TBX2: variants seen among roughly 807,000 people sequenced by gnomAD.
TBX2 encodes the protein T-box transcription factor 2.
Under a neutral mutation model 48.4 loss-of-function variants are expected in TBX2, and 19 were observed. The observed-to-expected ratio is 0.39, with a 90% CI of 0.27 to 0.58. The LOEUF is 0.58. Among genes scored for constraint, TBX2 ranks in the 20% least tolerant of loss-of-function variants. TBX2 has a pLI of 0.54. For synonymous variants in TBX2, 522 were observed against 459.7 expected (o/e 1.14, Z -1.73); for missense variants, 994 against 1,006.5 (o/e 0.99, Z 0.17).
In TBX2 at chr17:61,400,106, C is replaced by A. The variant is rs1420809813; in HGVS notation, c.-71C>A. On this transcript the variant is annotated 5_prime_UTR_variant, in exon 1 of 7. Coordinates refer to ENST00000240328, the MANE Select transcript of TBX2 (RefSeq NM_005994.4). This position sits in a 1 kb window ranked among gnomAD's most constrained non-coding sequence, Gnocchi z 9.2. ...TCCGTCCACCGCGCGCGCCGCCGCC[C>A]GGGCCGGGGGTCCGAGCCGCGCGCC... is the stretch of plus-strand genomic sequence containing the variant. 1.3e-5 allele frequency: 11 copies of A among 876,968 alleles called. No individual in the cohort carries two copies. Among genetic ancestry groups the A allele is most frequent in the Non-Finnish European group, 1.4e-5 (10 of 733,748 alleles). The allele number at this position is 876,968 out of a possible 1,614,324, so 54.3% of individuals were successfully genotyped here. A position where few individuals can be genotyped will look rare whatever the true frequency, so the allele number is the denominator to read the frequency against.
In TBX2 at chr17:61,408,376, CA is replaced by C; in HGVS notation, c.2010del (p.Ser671ProfsTer25). The C allele has an allele frequency of 6.4e-7, 1 of 1,571,350 alleles. No homozygotes were observed. Among genetic ancestry groups the C allele is most frequent in the Non-Finnish European group, 8.6e-7 (1 of 1,159,424 alleles). On this transcript the variant is annotated frameshift_variant, in exon 7 of 7. Coordinates refer to ENST00000240328, the MANE Select transcript of TBX2 (RefSeq NM_005994.4). LOFTEE classifies it high-confidence loss of function. ...CTGGCTCTCCGCAAAGTAGGGGCCC[CA>C]TCCCGCGGTGCCCTGTCGCCCAGTG... The part of the protein sequence containing the change: ...PELALRKVGA[P>X]SRGALSPSGS...
chr17:61,407,258 C>T (rs1365795541), intron 6 of TBX2: 1 of 152,240 alleles, frequency 6.6e-6, no homozygotes, highest in Non-Finnish European at 1.5e-5. Context: ...TTTTCTTCTT[C>T]CTGCTAGAGC....
intron 6 of TBX2, 38 bp from the exon 7 acceptor site, chr17:61,408,016 C>G: frequency 6.6e-7 from 1 of 1,524,262 alleles, no homozygotes; most frequent in Non-Finnish European, 8.8e-7. Context: ...AGACTTCAGG[C>G]AAGATGTCTA....
In TBX2 at chr17:61,403,186, C is replaced by T. The variant is rs140013823; in HGVS notation, c.789C>T (p.Val263=). ...YVFPETDFIA[V]TAYQNDKITQ... is the part of the protein sequence containing the mutation. ...TCCCGGAGACCGACTTCATCGCCGT[C>T]ACTGCCTACCAGAATGACAAGGTGC... Residue 263 remains valine, a synonymous_variant, in exon 3 of 7, where the codon GTC becomes GTT. Coordinates refer to ENST00000240328, the MANE Select transcript of TBX2 (RefSeq NM_005994.4). This position sits in a 1 kb window ranked among gnomAD's most constrained non-coding sequence, Gnocchi z 5.8. 1,825 of 1,613,416 alleles carry T rather than the reference C, an allele frequency of 1.1e-3. 2 individuals carry two copies. The highest frequency in any genetic ancestry group is 5.8e-3 in the Middle Eastern group (35 of 6,062).
intron 2 of TBX2, among the ~76,000 whole-genome samples, chr17:61,402,404 C>T (rs967509673): frequency 6.0e-5 from 9 of 150,360 alleles, no homozygotes; most frequent in Non-Finnish European, 1.2e-4. Flanking sequence ...AAAAGTTAAA[C>T]CACCCTCCCC....
intron 2 of TBX2, 125 bp from the exon 3 acceptor site, chr17:61,402,930 TAGAGAG>T (rs1555876930): frequency 1.2e-3 from 200 of 172,682 alleles, no homozygotes; most frequent in Non-Finnish European, 1.6e-3. Flanking sequence ...GAAGAACCGA[TAGAGAG>T]AGAGAGAGAG....
In TBX2 at chr17:61,408,418, C is replaced by G; in HGVS notation, c.2051C>G (p.Ala684Gly). 1 of 1,540,256 alleles carries G rather than the reference C, an allele frequency of 6.5e-7. No homozygotes were observed. The highest frequency in any genetic ancestry group is 8.8e-7 in the Non-Finnish European group (1 of 1,142,454). Residue 684 changes from alanine to glycine, a missense_variant, in exon 7 of 7, where the codon GCG becomes GGG. Physicochemically the swap from Ala to Gly is moderately conservative, Grantham distance 60 (BLOSUM62 0). This residue lies in a region of TBX2 where 639 missense variants were observed against 613.2 expected (regional missense o/e 1.04). Transcript: ENST00000240328. ...ALSPSGSAKEAANELQSIQRL... is the reference protein window; with the variant it reads ...ALSPSGSAKEGANELQSIQRL... ...TCGCCCAGTGGCTCGGCCAAGGAGG[C>G]GGCCAATGAACTGCAGAGCATCCAG...
Position 61,404,493 on chromosome 17 carries a change from A to G in TBX2, c.883A>G (p.Lys295Glu). 6.2e-7 allele frequency: 1 copy of G among 1,610,888 alleles called. No individual in the cohort carries two copies. Among genetic ancestry groups the G allele is most frequent in the East Asian group, 2.2e-5 (1 of 44,774 alleles). Residue 295 changes from lysine (K) to glutamate (E), a missense_variant, in exon 4 of 7, where the codon AAA (lysine) becomes GAA (glutamate). Lys to Glu is a moderately conservative substitution (Grantham distance 56). Transcript: ENST00000240328. The part of the protein sequence containing the change: ...FRDTGNGRRE[K>E]RKQLTLPSLR... The stretch of plus-strand genomic sequence containing the variant: ...GGACACCGGGAACGGCCGGCGGGAG[A>G]AAAGGTGAGAGGCCGAGGACAGCAG...
At position 61,408,863 on chromosome 17, in the gene TBX2, GC is replaced by G; in HGVS notation, c.*358del. On this transcript the variant is annotated 3_prime_UTR_variant, in exon 7 of 7. Transcript: ENST00000240328. ...GAAGGTGCAGGGGCCAGGGGTGGGA[GC>G]ATCGGAGGGAGTCCCAGAGCCCTGG... 1 of 217,366 alleles carries G rather than the reference GC, an allele frequency of 4.6e-6. No homozygotes were observed. Among genetic ancestry groups the G allele is most frequent in the East Asian group, 9.8e-5 (1 of 10,218 alleles). The allele number at this position is 217,366 out of a possible 1,614,324, so 13.5% of individuals were successfully genotyped here.
rs1048308922 is a variant in TBX2, at chr17:61,400,340, C to T, written c.164C>T (p.Pro55Leu). 8 of 1,000,396 alleles carry T rather than the reference C, an allele frequency of 8.0e-6. No individual in the cohort carries two copies. Among genetic ancestry groups the T allele is most frequent in the Non-Finnish European group, 8.3e-6 (7 of 842,454 alleles). 62.0% of individuals were successfully genotyped at this position (1,000,396 alleles called of 1,614,324 possible). Residue 55 changes from proline to leucine, a missense_variant, in exon 1 of 7, where the codon CCG becomes CTG. This residue lies in a region of TBX2 where 165 missense variants were observed against 136.8 expected (regional missense o/e 1.21). Coordinates refer to ENST00000240328, the MANE Select transcript of TBX2 (RefSeq NM_005994.4). The surrounding 1 kb of genome is among the most constrained non-coding windows in gnomAD (Gnocchi z 9.2). ...GCGCTGGCCAAGCCGCTGCCCGACC[C>T]GGGCCTGGCGGGGGCGGCGGCCGCG... The part of the protein sequence containing the change: ...PGALAKPLPD[P>L]GLAGAAAAAA...
rs2060288878 is a variant in TBX2, at chr17:61,406,298, G to C, written c.1686+462G>C. 1 of 155,938 alleles carries C rather than the reference G, an allele frequency of 6.4e-6. No homozygotes were observed. Among genetic ancestry groups the C allele is most frequent in the Non-Finnish European group, 1.4e-5 (1 of 70,776 alleles). 9.7% of individuals were successfully genotyped at this position (155,938 alleles called of 1,614,324 possible). On this transcript the variant is annotated intron_variant, in intron 6 of 6. Transcript: ENST00000240328. This position sits in a 1 kb window ranked among gnomAD's most constrained non-coding sequence, Gnocchi z 5.7. ...ACAGACAAAGGGAGAAGGAACATTT[G>C]CATTATTTTCTGGACAGTTGACCAC...
At chr17:61,401,563 A>G (rs2060263734) in intron 1 of TBX2, 121 bp from the exon 2 acceptor site, 4 of 1,373,444 alleles carry the variant, frequency 2.9e-6, no homozygotes, top group African/African-American at 2.9e-5. Flanking sequence ...AGCCGACCAC[A>G]GGGGAAACAG....
Position 61,403,133 on chromosome 17 carries a change from C to A in TBX2, c.736C>A (p.Pro246Thr). The change falls in exon 3 of 7, where the codon CCT becomes ACT. Residue 246 changes from proline to threonine, a missense_variant. Pro to Thr is a conservative substitution (Grantham distance 38). This residue lies in a region of TBX2 where 153 missense variants were observed against 166.2 expected (regional missense o/e 0.92). Coordinates refer to ENST00000240328, the MANE Select transcript of TBX2 (RefSeq NM_005994.4). The surrounding 1 kb of genome is among the most constrained non-coding windows in gnomAD (Gnocchi z 5.8). ...GCGAGCCAACGACATCCTGAAGCTG[C>A]CTTACAGCACCTTCCGCACCTACGT... ...IVRANDILKLPYSTFRTYVFP... is the reference protein window; with the variant it reads ...IVRANDILKLTYSTFRTYVFP... 1 of 1,613,860 alleles carries A rather than the reference C, an allele frequency of 6.2e-7. No homozygotes were observed. Among genetic ancestry groups the A allele is most frequent in the Non-Finnish European group, 8.5e-7 (1 of 1,180,018 alleles).
chr17:61,401,021 G>A (rs2060261966), intron 1 of TBX2, among the ~76,000 whole-genome samples: 1 of 152,080 alleles, frequency 6.6e-6, no homozygotes, highest in Admixed American at 6.5e-5. Context: ...CTGGTTGCTC[G>A]GTTCCTGGCA....
intron 2 of TBX2, 92 bp from the exon 3 acceptor site, chr17:61,402,969 A>AGT: frequency 2.2e-5 from 4 of 182,240 alleles, no homozygotes; most frequent in Non-Finnish European, 3.6e-5. Flanking sequence ...AGAGAGAGAG[A>AGT]GAAAGTGGAG....
At position 61,404,771 on chromosome 17, in the gene TBX2, T is replaced by C. The variant is rs1603241490; in HGVS notation, c.1051+2T>C. On this transcript the variant is annotated splice_donor_variant, in intron 5 of 6. Transcript: ENST00000240328. LOFTEE classifies it high-confidence loss of function. ...CGCTGCGCCTGCACCGGGCCCGAGG[T>C]GAGGGTCGGACCGGAGGAGGGACAG... 1.3e-6 allele frequency: 2 copies of C among 1,544,148 alleles called. No homozygotes were observed. Among genetic ancestry groups the C allele is most frequent in the Non-Finnish European group, 1.7e-6 (2 of 1,148,662 alleles).
At position 61,400,424 on chromosome 17, in the gene TBX2, A is replaced by G. The variant is rs370025489; in HGVS notation, c.248A>G (p.His83Arg). 7.5e-5 allele frequency: 117 copies of G among 1,551,772 alleles called. No homozygotes were observed. The highest frequency in any genetic ancestry group is 1.0e-4 in the Non-Finnish European group (116 of 1,151,264). The change falls in exon 1 of 7, where the codon CAC becomes CGC. Residue 83 changes from histidine to arginine, a missense_variant. This residue lies in a region of TBX2 where 165 missense variants were observed against 136.8 expected (regional missense o/e 1.21). Coordinates refer to ENST00000240328, the MANE Select transcript of TBX2 (RefSeq NM_005994.4). The surrounding 1 kb of genome is among the most constrained non-coding windows in gnomAD (Gnocchi z 9.2). ...AGLHVSALGP[H>R]PPAAHLRSLK... ...CTGCACGTCTCGGCACTGGGCCCGC[A>G]CCCGCCCGCCGCGCATCTGCGCTCC...
chr17:61,403,368 AC>A lies in TBX2; in HGVS notation c.810+162del, dbSNP rs2143729879. On this transcript the variant is annotated intron_variant, in intron 3 of 6. Transcript: ENST00000240328. This position sits in a 1 kb window ranked among gnomAD's most constrained non-coding sequence, Gnocchi z 5.8. The stretch of plus-strand genomic sequence containing the variant: ...CCTCGCATCCATACGCGCAGCACTC[AC>A]GGAAGTCCTCAAGGCGCCCTCTCAA... Among the ~76,000 whole-genome samples the A allele has an allele frequency of 6.6e-6, 1 of 152,278 alleles. No individual in the cohort carries two copies. The highest frequency in any genetic ancestry group is 1.9e-4 in the East Asian group (1 of 5,174).
At position 61,405,532 on chromosome 17, in the gene TBX2, G is replaced by A. The variant is rs1450366449; in HGVS notation, c.1382G>A (p.Gly461Asp). Residue 461 changes from glycine (G) to aspartate (D), a missense_variant, in exon 6 of 7, where the codon GGC becomes GAC. Coordinates refer to ENST00000240328, the MANE Select transcript of TBX2 (RefSeq NM_005994.4). ...CAGACAGACAGTGCGTCCCCCCTGG[G>A]CGCCGGACACCTGCCCGGCCTGGCC... is the stretch of plus-strand genomic sequence containing the variant. ...VVQTDSASPLGAGHLPGLAFS... is the reference protein window; with the variant it reads ...VVQTDSASPLDAGHLPGLAFS... 3.1e-6 allele frequency: 5 copies of A among 1,591,518 alleles called. No homozygotes were observed. Among genetic ancestry groups the A allele is most frequent in the Non-Finnish European group, 4.3e-6 (5 of 1,172,346 alleles).
Sources: allele counts gnomAD v4.1 joint callset (sites outside exome capture counted in the v4.1 genomes callset), GRCh38; gene constraint gnomAD v4.1.1; regional missense constraint gnomAD v4.1.1; non-coding constraint Gnocchi (gnomAD v3.1); transcripts MANE v1.5; gene names NCBI Gene and HGNC (gene_info 2026-07-23, HGNC 2026-07-21).